The following LCORL variants were observed in gnomAD, a reference collection of about 807,000 sequenced individuals.
LCORL encodes the protein ligand dependent nuclear receptor corepressor like.
Under a neutral mutation model 141.8 loss-of-function variants are expected in LCORL, and 41 were observed. The observed-to-expected ratio is 0.29, with a 90% CI of 0.23 to 0.38. The LOEUF is 0.38. LCORL is among the 10% of genes least tolerant of loss of function. LCORL has a pLI of 1.00. For missense variants in LCORL, 1,759 were observed against 2,035.0 expected (o/e 0.86, Z 2.61); for synonymous variants, 618 against 694.1 (o/e 0.89, Z 1.72).
intron 4 of LCORL, among the ~76,000 whole-genome samples, chr4:17,925,259 CA>C (rs1178421851): frequency 2.0e-5 from 3 of 152,168 alleles, no homozygotes; most frequent in East Asian, 1.9e-4. Context: ...TACTGCTCCA[CA>C]GTGGAGGTAA....
At chr4:17,960,949 A>AG (rs1265924226) in intron 4 of LCORL, among the ~76,000 whole-genome samples, 7 of 152,170 alleles carry the variant, frequency 4.6e-5, no homozygotes, top group Non-Finnish European at 1.5e-5. Flanking sequence ...TCCAACATAT[A>AG]AAAGAACTTA....
At chr4:17,857,290 G>C (rs1724469246) in intron 7 of LCORL, among the ~76,000 whole-genome samples, 1 of 152,076 alleles carries the variant, frequency 6.6e-6, no homozygotes, top group African/African-American at 2.4e-5. Context: ...GAGAGAGAAG[G>C]AGACAGACAG....
rs554020627 is a variant in LCORL at position 17,997,065 on chromosome 4, CTT to C, written c.155-24182_155-24181del. On this transcript the variant is annotated intron_variant, in intron 1 of 7. Coordinates refer to ENST00000635767, the Ensembl canonical transcript of LCORL. ...CTTTTGCACATACTATCTGAAATGT[CTT>C]TTTCCCCATCTCTGTTCATCTGTCA... Among the ~76,000 whole-genome samples, 57 of 152,256 alleles carry C rather than the reference CTT, an allele frequency of 3.7e-4. No individual in the cohort carries two copies. In the East Asian group the frequency reaches 0.01, roughly 27 times the overall value.
intron 5 of LCORL, among the ~76,000 whole-genome samples, chr4:17,901,208 C>T (rs2109297882): frequency 6.6e-6 from 1 of 151,598 alleles, no homozygotes; most frequent in Admixed American, 6.6e-5. Context: ...AGACAACCTG[C>T]AGAATACCAT....
chr4:17,987,189 T>G (rs1250995438), intron 1 of LCORL, among the ~76,000 whole-genome samples: 1 of 152,196 alleles, frequency 6.6e-6, no homozygotes, highest in East Asian at 1.9e-4. Flanking sequence ...CTCAAAATGA[T>G]GTGGGTCTGT....
intron 7 of LCORL, among the ~76,000 whole-genome samples, chr4:17,857,609 C>T (rs1333049383): frequency 6.6e-6 from 1 of 152,064 alleles, no homozygotes; most frequent in Non-Finnish European, 1.5e-5. Context: ...TTAGTAGCAT[C>T]CCTACATTTG....
At chr4:17,906,850 C>T (rs1235483904) in intron 5 of LCORL, among the ~76,000 whole-genome samples, 1 of 152,118 alleles carries the variant, frequency 6.6e-6, no homozygotes, top group Non-Finnish European at 1.5e-5. Flanking sequence ...CCACGCCCAG[C>T]TAATTTTTGT....
chr4:17,932,035 G>A (rs1736125886), intron 4 of LCORL, among the ~76,000 whole-genome samples: 1 of 152,118 alleles, frequency 6.6e-6, no homozygotes, highest in Non-Finnish European at 1.5e-5. Context: ...ACACTATGAA[G>A]TAGCCCTTTC....
chr4:17,921,184 T>G (rs551629907), intron 4 of LCORL, among the ~76,000 whole-genome samples: 3 of 148,800 alleles, frequency 2.0e-5, no homozygotes, highest in South Asian at 4.6e-4. Context: ...CCACCACACC[T>G]GGTTGATTTT....
In LCORL at chr4:18,021,797, GCA is replaced by G. The variant is rs1002597671; in HGVS notation, c.-48_-47del. 5.6e-6 allele frequency: 8 copies of G among 1,439,610 alleles called. No homozygotes were observed. The highest frequency in any genetic ancestry group is 7.2e-6 in the Non-Finnish European group (8 of 1,105,378). The allele number at this position is 1,439,610 out of a possible 1,614,324, so 89.2% of individuals were successfully genotyped here. ...CCTCATTTACATACGAGCAGCGCAG[GCA>G]CGAGGCAGGGGCGCGAGCCCTCGGC... is the stretch of plus-strand genomic sequence containing the variant. On this transcript the variant is annotated 5_prime_UTR_variant, in exon 1 of 8. Transcript: ENST00000635767. This position sits in a 1 kb window ranked among gnomAD's most constrained non-coding sequence, Gnocchi z 5.5.
At chr4:17,979,012 G>C (rs535257945) in intron 1 of LCORL, among the ~76,000 whole-genome samples, 1 of 152,010 alleles carries the variant, frequency 6.6e-6, no homozygotes, top group East Asian at 1.9e-4. Flanking sequence ...CGTGCTGCAC[G>C]CATTAGGTAT....
In LCORL at chr4:17,875,552, G is replaced by A. The variant is rs190870247; in HGVS notation, c.3438C>T (p.Tyr1146=). Residue 1146 remains tyrosine (Y), a synonymous_variant, in exon 7 of 8, where the codon TAC becomes TAT. Coordinates refer to ENST00000635767, the Ensembl canonical transcript of LCORL. ...GCCTTTTAGTTCTTCTTGACCTTCC[G>A]TAAATAACAGTTACTGTAATACTCT... is the stretch of plus-strand genomic sequence containing the variant. The A allele has an allele frequency of 3.9e-3, 4,772 of 1,230,994 alleles. 14 individuals are homozygous for A. Among genetic ancestry groups the A allele is most frequent in the Non-Finnish European group, 4.5e-3 (4,419 of 987,186 alleles). The allele number at this position is 1,230,994 out of a possible 1,614,324, so 76.3% of individuals were successfully genotyped here. A position where few individuals can be genotyped will look rare whatever the true frequency, so the allele number is the denominator to read the frequency against.
intron 2 of LCORL, among the ~76,000 whole-genome samples, chr4:17,968,354 T>A (rs1363671680): frequency 6.6e-6 from 1 of 152,202 alleles, no homozygotes; most frequent in Non-Finnish European, 1.5e-5. Flanking sequence ...CAATTCATAT[T>A]AGAAAACTAC....
chr4:17,914,352 A>G (rs1267092448), intron 4 of LCORL, among the ~76,000 whole-genome samples: 1 of 152,244 alleles, frequency 6.6e-6, no homozygotes, highest in African/African-American at 2.4e-5. Flanking sequence ...CAATATGATT[A>G]TATCTGTCAT....
chr4:18,004,360 T>C (rs1235594066), intron 1 of LCORL, among the ~76,000 whole-genome samples: 3 of 152,216 alleles, frequency 2.0e-5, no homozygotes, highest in African/African-American at 4.8e-5. Context: ...CAGTTCCATG[T>C]GGCTGGGGAA....
chr4:17,921,200 T>G (rs1734249173), intron 4 of LCORL, among the ~76,000 whole-genome samples: 1 of 151,840 alleles, frequency 6.6e-6, no homozygotes, highest in Non-Finnish European at 1.5e-5. Context: ...ATTTTTTTTT[T>G]GTATTTTAGT....
intron 7 of LCORL, among the ~76,000 whole-genome samples, chr4:17,847,219 GGTTA>G (rs1280229810): frequency 2.0e-5 from 3 of 152,076 alleles, no homozygotes; most frequent in African/African-American, 7.2e-5. Flanking sequence ...ATTTAACTAT[GGTTA>G]GTTCATTTGA....
intron 2 of LCORL, among the ~76,000 whole-genome samples, chr4:17,972,520 T>A (rs1716170627): frequency 6.6e-6 from 1 of 151,720 alleles, no homozygotes; most frequent in African/African-American, 2.4e-5. Flanking sequence ...AATTAACATT[T>A]ATTTATTTAA....
chr4:17,899,499 A>C lies in LCORL; in HGVS notation c.682+9595T>G, dbSNP rs192211869. On this transcript the variant is annotated intron_variant, in intron 5 of 7. Coordinates refer to ENST00000635767, the Ensembl canonical transcript of LCORL. ...TAGGCGAAGAAGAGAAGGAAACGGA[A>C]CAAGTCCAGAGTGGTAGGCAGGAAC... is the stretch of plus-strand genomic sequence containing the variant. Among the ~76,000 whole-genome samples, 111 of 152,304 alleles carry C rather than the reference A, an allele frequency of 7.3e-4. 1 individual carries two copies. Among genetic ancestry groups the C allele is most frequent in the Non-Finnish European group, 1.0e-3 (71 of 68,018 alleles).
Sources: gnomAD v4.1 joint callset for allele counts (sites outside exome capture counted in the v4.1 genomes callset) on GRCh38, gnomAD v4.1.1 for gene constraint, Gnocchi (gnomAD v3.1) non-coding constraint, MANE v1.5 for transcripts, NCBI Gene and HGNC (gene_info 2026-07-23, HGNC 2026-07-21) for gene names.